XPO7: variants seen among roughly 807,000 people sequenced by gnomAD.
The protein encoded by XPO7 is exportin 7.
XPO7 carries 21 observed loss-of-function variants against 144.3 expected under a neutral mutation model. The ratio of observed to expected loss-of-function variants is 0.15; its 90% CI spans 0.10 to 0.21. The LOEUF (loss-of-function observed/expected upper bound fraction) is 0.21. XPO7 is among the 10% of genes least tolerant of loss of function. XPO7 has a pLI of 1.00. For missense variants in XPO7, 808 were observed against 1,325.8 expected (o/e 0.61, Z 6.06); for synonymous variants, 580 against 499.6 (o/e 1.16, Z -2.15).
intron 1 of XPO7, among the ~76,000 whole-genome samples, chr8:21,956,219 G>C (rs1370668998): frequency 6.6e-6 from 1 of 152,148 alleles, no homozygotes; most frequent in Non-Finnish European, 1.5e-5. Flanking sequence ...TTCTCTAGAG[G>C]ATTTCGCAGG....
intron 1 of XPO7, among the ~76,000 whole-genome samples, chr8:21,920,046 G>A (rs985750185): frequency 6.6e-6 from 1 of 151,544 alleles, no homozygotes; most frequent in Non-Finnish European, 1.5e-5. Flanking sequence ...GCATCCCGGC[G>A]CGCGCAGCCC....
At chr8:21,962,066 T>C (rs1166472637) in intron 1 of XPO7, among the ~76,000 whole-genome samples, 1 of 152,258 alleles carries the variant, frequency 6.6e-6, no homozygotes, top group African/African-American at 2.4e-5. Flanking sequence ...GCTGCTTGGC[T>C]TATTCTCTTG....
chr8:21,994,927 G>A (rs1007619202), intron 20 of XPO7, among the ~76,000 whole-genome samples: 3 of 152,128 alleles, frequency 2.0e-5, no homozygotes, highest in East Asian at 3.9e-4. Flanking sequence ...GGTGGCGGGC[G>A]CTTGTAGTCC....
Position 21,976,457 on chromosome 8 carries a change from C to T in XPO7, c.699C>T (p.Gly233=). ...ACTGCCTCAACTTTGACTTCATCGG[C>T]ACTTCCACTGATGAGTCCTCAGACG... ...THNCLNFDFI[G]TSTDESSDDL... is the part of the protein sequence containing the mutation. Residue 233 remains glycine (G), a synonymous_variant, in exon 7 of 28, where the codon GGC becomes GGT. Transcript: ENST00000252512. 3 of 1,613,998 alleles carry T rather than the reference C, an allele frequency of 1.9e-6. No homozygotes were observed. Among genetic ancestry groups the T allele is most frequent in the Non-Finnish European group, 2.5e-6 (3 of 1,179,878 alleles).
At chr8:21,940,982 T>G (rs1810972180) in intron 1 of XPO7, among the ~76,000 whole-genome samples, 1 of 152,140 alleles carries the variant, frequency 6.6e-6, no homozygotes, top group Non-Finnish European at 1.5e-5. Context: ...TCAAACAGCC[T>G]GAGTTCTTCA....
At chr8:21,981,432 C>T in intron 9 of XPO7, among the ~76,000 whole-genome samples, 1 of 152,200 alleles carries the variant, frequency 6.6e-6, no homozygotes. Context: ...AGCTTTACAG[C>T]CTCAGTGTGA....
intron 1 of XPO7, among the ~76,000 whole-genome samples, chr8:21,951,999 A>G (rs1172072633): frequency 2.0e-5 from 3 of 152,258 alleles, no homozygotes; most frequent in Non-Finnish European, 4.4e-5. Context: ...CCATCCCCAC[A>G]TTGTGCAAAA....
intron 14 of XPO7, 51 bp from the exon 15 acceptor site, chr8:21,987,733 T>C: frequency 6.3e-7 from 1 of 1,594,628 alleles, no homozygotes; most frequent in South Asian, 1.1e-5. Flanking sequence ...AGTACCAGGA[T>C]GTGATTGTTG....
intron 1 of XPO7, among the ~76,000 whole-genome samples, chr8:21,935,608 C>T (rs914639582): frequency 6.6e-6 from 1 of 152,070 alleles, no homozygotes; most frequent in African/African-American, 2.4e-5. Flanking sequence ...GACTTTAAGA[C>T]GAATTTGTTT....
At position 21,984,781 on chromosome 8, in the gene XPO7, G is replaced by A. The variant is rs143875888; in HGVS notation, c.1413G>A (p.Ser471=). The part of the protein sequence containing the change: ...LVQLFDQSAQ[S]YQELLQSASA... The stretch of plus-strand genomic sequence containing the variant: ...AGTTGTTTGACCAGTCGGCCCAGTC[G>A]TACCAGGAGCTGCTACAGAGCGCCA... The change falls in exon 12 of 28, where the codon TCG becomes TCA. Residue 471 remains serine, a synonymous_variant. Coordinates refer to ENST00000252512, the MANE Select transcript of XPO7 (RefSeq NM_015024.5). 170 of 1,613,982 alleles carry A rather than the reference G, an allele frequency of 1.1e-4. 1 individual carries two copies. In the African/African-American group the frequency reaches 1.2e-3, roughly 11 times the overall value.
intron 24 of XPO7, among the ~76,000 whole-genome samples, chr8:22,001,049 C>T (rs1024855844): frequency 2.6e-5 from 4 of 151,954 alleles, no homozygotes; most frequent in East Asian, 1.9e-4. Flanking sequence ...CCTGGCCGGG[C>T]GTGGTGGCTC....
At chr8:22,004,480 A>G (rs760508101) in intron 27 of XPO7, among the ~76,000 whole-genome samples, 1 of 152,212 alleles carries the variant, frequency 6.6e-6, no homozygotes. Flanking sequence ...GGGCTTTGCA[A>G]TTAACTTTTA....
intron 4 of XPO7, among the ~76,000 whole-genome samples, chr8:21,971,411 G>A (rs955054635): frequency 1.1e-4 from 16 of 152,098 alleles, no homozygotes; most frequent in African/African-American, 3.9e-4. Flanking sequence ...GTATCTTATT[G>A]TTTGGGTTAT....
At chr8:21,966,210 T>A in intron 1 of XPO7, 1 of 749,230 alleles carries the variant, frequency 1.3e-6, no homozygotes, top group Non-Finnish European at 2.5e-6. Context: ...TAGGGTTGAA[T>A]TTATTTTGAC....
intron 24 of XPO7, among the ~76,000 whole-genome samples, chr8:22,001,175 G>T (rs1023399935): frequency 2.6e-5 from 4 of 152,038 alleles, no homozygotes; most frequent in African/African-American, 7.2e-5. Flanking sequence ...GCGTGGTGGT[G>T]TGTGCCTGTA....
At chr8:21,963,812 C>T (rs1811803029) in intron 1 of XPO7, among the ~76,000 whole-genome samples, 2 of 152,070 alleles carry the variant, frequency 1.3e-5, no homozygotes. Context: ...CCAACAAAAT[C>T]TTTATTTTCC....
At chr8:21,961,742 A>T (rs1811731719) in intron 1 of XPO7, among the ~76,000 whole-genome samples, 1 of 152,146 alleles carries the variant, frequency 6.6e-6, no homozygotes, top group African/African-American at 2.4e-5. Flanking sequence ...GGCTCACTGC[A>T]ACCTCTACCT....
At chr8:21,987,008 T>C (rs1563333595) in intron 13 of XPO7, 133 bp from the exon 14 acceptor site, 1 of 1,253,384 alleles carries the variant, frequency 8.0e-7, no homozygotes, top group African/African-American at 1.5e-5. Context: ...CCCTCATTTA[T>C]GTAGATGAAT....
chr8:21,958,888 G>A (rs915082751), intron 1 of XPO7, among the ~76,000 whole-genome samples: 3 of 151,742 alleles, frequency 2.0e-5, no homozygotes, highest in Non-Finnish European at 4.4e-5. Context: ...TTGAACCCGG[G>A]AGGTAGAGGT....
Sources: allele counts gnomAD v4.1 joint callset (sites outside exome capture counted in the v4.1 genomes callset), GRCh38; gene constraint gnomAD v4.1.1; transcripts MANE v1.5; gene names NCBI Gene and HGNC (gene_info 2026-07-23, HGNC 2026-07-21).